The following GRID2 variants were observed in gnomAD, a reference collection of about 807,000 sequenced individuals.
The protein encoded by GRID2 is glutamate ionotropic receptor delta type subunit 2.
In GRID2, 33 loss-of-function variants were observed where a neutral mutation model predicts 114.8. That is an observed-to-expected ratio of 0.29 (90% confidence interval 0.22 to 0.38). GRID2 has a LOEUF of 0.38. GRID2 is among the 10% of genes least tolerant of loss of function. The probability of loss-of-function intolerance (pLI) is 1.00; values close to 1 mark genes in which losing one functional copy is unlikely to be tolerated. For synonymous variants in GRID2, 505 were observed against 449.9 expected (o/e 1.12, Z -1.55); for missense variants, 1,184 against 1,257.7 (o/e 0.94, Z 0.89).
At chr4:93,010,134 T>C (rs1169998169) in intron 2 of GRID2, among the ~76,000 whole-genome samples, 1 of 152,074 alleles carries the variant, frequency 6.6e-6, no homozygotes, top group Non-Finnish European at 1.5e-5. Context: ...TTATTCACTT[T>C]GGTTTATTTG....
intron 2 of GRID2, among the ~76,000 whole-genome samples, chr4:92,897,182 T>C (rs1157496185): frequency 8.5e-5 from 13 of 152,292 alleles, no homozygotes; most frequent in Admixed American, 2.6e-4. Context: ...AATTATATTA[T>C]TTTAAATGTC....
At chr4:92,665,806 T>C (rs1357595466) in intron 2 of GRID2, among the ~76,000 whole-genome samples, 1 of 151,298 alleles carries the variant, frequency 6.6e-6, no homozygotes, top group Non-Finnish European at 1.5e-5. Context: ...TCATTGAGGT[T>C]GCATATTATA....
At chr4:92,882,358 A>G (rs1052057369) in intron 2 of GRID2, among the ~76,000 whole-genome samples, 80 of 152,306 alleles carry the variant, frequency 5.3e-4, no homozygotes, top group African/African-American at 1.9e-3. Flanking sequence ...ACTTAAGATA[A>G]TTTGTTTTGT....
At chr4:93,025,418 C>T (rs961887706) in intron 2 of GRID2, among the ~76,000 whole-genome samples, 4 of 151,582 alleles carry the variant, frequency 2.6e-5, no homozygotes, top group South Asian at 2.1e-4. Context: ...AATGTAGGAC[C>T]CTATAATATT....
chr4:92,609,022 A>G (rs1214850232), intron 2 of GRID2, among the ~76,000 whole-genome samples: 1 of 151,838 alleles, frequency 6.6e-6, no homozygotes, highest in Non-Finnish European at 1.5e-5. Context: ...ATATAGATGT[A>G]AACAGTCATA....
chr4:92,475,474 T>C (rs1407291993), intron 1 of GRID2, among the ~76,000 whole-genome samples: 1 of 151,720 alleles, frequency 6.6e-6, no homozygotes, highest in East Asian at 2.0e-4. Flanking sequence ...AAAAATCAAA[T>C]GGCAGTACAT....
chr4:92,439,656 G>A (rs77064310), intron 1 of GRID2, among the ~76,000 whole-genome samples: 3 of 145,152 alleles, frequency 2.1e-5, no homozygotes, highest in African/African-American at 7.4e-5. Flanking sequence ...GTGATGGCCT[G>A]GATACGGTTT....
chr4:93,504,738 G>T (rs1018312808), intron 12 of GRID2, among the ~76,000 whole-genome samples: 2 of 151,786 alleles, frequency 1.3e-5, no homozygotes, highest in African/African-American at 4.8e-5. Context: ...TTCAAGCCTT[G>T]TAAAGACTAC....
chr4:93,524,836 T>C (rs1426628547), intron 13 of GRID2, among the ~76,000 whole-genome samples: 1 of 113,204 alleles, frequency 8.8e-6, no homozygotes, highest in Non-Finnish European at 1.7e-5. Context: ...TATATATATA[T>C]ATATATATAT....
intron 14 of GRID2, among the ~76,000 whole-genome samples, chr4:93,662,825 A>C (rs1158417511): frequency 2.1e-4 from 32 of 152,214 alleles, no homozygotes; most frequent in Admixed American, 2.1e-3. Flanking sequence ...ATGAAGGAAG[A>C]AGAGTGCTTT....
intron 2 of GRID2, among the ~76,000 whole-genome samples, chr4:92,688,280 C>A (rs906858145): frequency 1.3e-5 from 2 of 151,504 alleles, no homozygotes; most frequent in African/African-American, 4.9e-5. Flanking sequence ...GAACTCCCGA[C>A]CTCAGGTGAT....
chr4:92,781,910 A>G (rs538762442), intron 2 of GRID2, among the ~76,000 whole-genome samples: 7 of 152,252 alleles, frequency 4.6e-5, no homozygotes, highest in African/African-American at 1.7e-4. Context: ...ACAGTTTATT[A>G]TAAAACAAAT....
chr4:93,311,054 A>G (rs1425151419), intron 8 of GRID2, among the ~76,000 whole-genome samples: 1 of 152,172 alleles, frequency 6.6e-6, no homozygotes, highest in African/African-American at 2.4e-5. Flanking sequence ...CACTATATAG[A>G]TTATCATAAA....
intron 1 of GRID2, among the ~76,000 whole-genome samples, chr4:92,442,211 A>T (rs373926653): frequency 6.6e-6 from 1 of 150,576 alleles, no homozygotes; most frequent in East Asian, 1.9e-4. Context: ...TTCCGAGGCG[A>T]TCGGGCGGTG....
intron 2 of GRID2, among the ~76,000 whole-genome samples, chr4:93,050,554 G>GT (rs1338800893): frequency 1.4e-5 from 2 of 143,058 alleles, no homozygotes; most frequent in Non-Finnish European, 3.1e-5. Context: ...GTGTGTGTGT[G>GT]GTGTATGTGT....
chr4:92,975,442 T>C (rs957432703), intron 2 of GRID2, among the ~76,000 whole-genome samples: 1 of 152,056 alleles, frequency 6.6e-6, no homozygotes, highest in Non-Finnish European at 1.5e-5. Context: ...TAACCTATAA[T>C]GGCCACAACA....
chr4:92,665,514 C>T (rs1458060891), intron 2 of GRID2, among the ~76,000 whole-genome samples: 2 of 151,144 alleles, frequency 1.3e-5, no homozygotes, highest in Non-Finnish European at 3.0e-5. Flanking sequence ...TTTATTTTTA[C>T]TGCAGTCTTT....
chr4:93,552,209 T>A (rs936031635), intron 13 of GRID2, among the ~76,000 whole-genome samples: 6 of 152,054 alleles, frequency 3.9e-5, no homozygotes, highest in Non-Finnish European at 7.4e-5. Flanking sequence ...GGACATGAAC[T>A]CATCATTTTT....
intron 2 of GRID2, among the ~76,000 whole-genome samples, chr4:92,876,622 G>C (rs1270049544): frequency 6.6e-6 from 1 of 152,048 alleles, no homozygotes; most frequent in African/African-American, 2.4e-5. Context: ...CAATTTTCTT[G>C]ATTATTACTA....
Sources: gnomAD v4.1 joint callset for allele counts (sites outside exome capture counted in the v4.1 genomes callset) on GRCh38, gnomAD v4.1.1 for gene constraint, MANE v1.5 for transcripts, NCBI Gene and HGNC (gene_info 2026-07-23, HGNC 2026-07-21) for gene names.